The following EDARADD variants were observed in gnomAD, a reference collection of about 807,000 sequenced individuals.
EDARADD encodes the protein ectodysplasin-A receptor-associated adapter protein.
A neutral mutation model predicts 25.6 loss-of-function variants in EDARADD; 20 were observed. The observed-to-expected ratio is 0.78, with a 90% CI of 0.55 to 1.14. The LOEUF is 1.14. Ranked by LOEUF, EDARADD falls within the 50% of genes most tolerant of loss-of-function variation. The probability of loss-of-function intolerance (pLI) is 0.00; values close to 1 mark genes in which losing one functional copy is unlikely to be tolerated. For synonymous variants in EDARADD, 86 were observed against 94.4 expected (o/e 0.91, Z 0.52); for missense variants, 225 against 270.1 (o/e 0.83, Z 1.17).
intron 5 of EDARADD, among the ~76,000 whole-genome samples, chr1:236,478,091 A>T (rs1259181991): frequency 6.6e-6 from 1 of 151,958 alleles, no homozygotes; most frequent in Non-Finnish European, 1.5e-5. Context: ...TAGCAGGATG[A>T]GACTGTCTCA....
Position 236,379,771 on chromosome 1 carries a change from C to T in EDARADD, c.-6+28932C>T, listed in dbSNP as rs1214085726. 2.6e-5 allele frequency among the ~76,000 whole-genome samples: 4 copies of T among 152,064 alleles called. No individual in the cohort carries two copies. In the East Asian group the frequency reaches 5.8e-4, roughly 22 times the overall value. Reference sequence around the variant, plus strand: ...CTCCAGCCTGGGCGACAGAGTGAGACTCCATCTCAAAAAAACAATAAGTAA... The same window carrying T: ...CTCCAGCCTGGGCGACAGAGTGAGATTCCATCTCAAAAAAACAATAAGTAA... On this transcript the variant is annotated intron_variant, in intron 3 of 7. Coordinates refer to the EDARADD transcript ENST00000439430.
chr1:236,383,854 A>G (rs949652907), intron 3 of EDARADD, among the ~76,000 whole-genome samples: 1 of 152,022 alleles, frequency 6.6e-6, no homozygotes, highest in African/African-American at 2.4e-5. Flanking sequence ...AAGTTTAAGA[A>G]CTAGCCAGGC....
chr1:236,371,067 C>G (rs72753309), intron 3 of EDARADD, among the ~76,000 whole-genome samples: 4 of 152,304 alleles, frequency 2.6e-5, no homozygotes, highest in Non-Finnish European at 4.4e-5. Flanking sequence ...CCTCTTTCTT[C>G]AGCCTCTCAG....
intron 4 of EDARADD, among the ~76,000 whole-genome samples, chr1:236,455,849 G>A (rs986459563): frequency 1.3e-5 from 2 of 152,334 alleles, no homozygotes; most frequent in South Asian, 2.1e-4. Context: ...GAGAGCAGTT[G>A]CGCGATCTTT....
intron 3 of EDARADD, among the ~76,000 whole-genome samples, chr1:236,367,621 T>C (rs1275031361): frequency 6.6e-6 from 1 of 152,094 alleles, no homozygotes; most frequent in Non-Finnish European, 1.5e-5. Flanking sequence ...AGCCTTGGCC[T>C]CCCAAAGTTC....
intron 2 of EDARADD, among the ~76,000 whole-genome samples, chr1:236,350,390 G>A (rs925632759): frequency 1.3e-5 from 2 of 152,132 alleles, no homozygotes; most frequent in Non-Finnish European, 2.9e-5. Context: ...CAAAAAATCA[G>A]GTCTTAGTCC....
upstream of EDARADD, among the ~76,000 whole-genome samples, chr1:236,389,753 A>C (rs6676536): frequency 0.77 from 116,794 of 152,118 alleles, 46,292 homozygotes; most frequent in East Asian, 0.92. Flanking sequence ...ATGTAATCCC[A>C]GTACTTTAGA....
Position 236,388,318 on chromosome 1 carries a change from A to T in EDARADD, c.-5-20898A>T, listed in dbSNP as rs182927832. On this transcript the variant is annotated intron_variant, in intron 3 of 7. Coordinates refer to the EDARADD transcript ENST00000439430. Reference sequence around the variant, plus strand: ...GTGTTTTAACTACTGTTGTTTTATCATATCTTGCTATATTGTAAGACAAAT... The same window carrying T: ...GTGTTTTAACTACTGTTGTTTTATCTTATCTTGCTATATTGTAAGACAAAT... Among the ~76,000 whole-genome samples the T allele has an allele frequency of 3.2e-3, 487 of 152,186 alleles. 2 individuals carry two copies. The highest frequency in any genetic ancestry group is 0.011 in the African/African-American group (457 of 41,502).
rs143891636 is a variant in EDARADD at position 236,482,458 on chromosome 1, T to A, written c.457T>A (p.Leu153Met). ...ASKWGMSYDE[L>M]CFLEQRPQSP... ...CAAATGGGGGATGTCCTATGACGAA[T>A]TGTGCTTCCTGGAGCAGAGGCCACA... Residue 153 changes from leucine to methionine, a missense_variant, in exon 6 of 6, where the codon TTG becomes ATG. By Grantham distance (15) the Leu-to-Met change is conservative. Transcript: ENST00000334232. 6.2e-7 allele frequency: 1 copy of A among 1,614,194 alleles called. No individual in the cohort carries two copies. The highest frequency in any genetic ancestry group is 2.2e-5 in the East Asian group (1 of 44,880).
intron 5 of EDARADD, among the ~76,000 whole-genome samples, chr1:236,476,917 A>G (rs1659523819): frequency 6.6e-6 from 1 of 150,922 alleles, no homozygotes; most frequent in African/African-American, 2.4e-5. Flanking sequence ...GCTTGAGCCC[A>G]TGAAGTGGAG....
rs1657580409 is a variant in EDARADD, at chr1:236,414,372, A to G, written c.160+73A>G. 3.3e-6 allele frequency: 4 copies of G among 1,210,996 alleles called. No individual in the cohort carries two copies. The Admixed American group carries it at 7.2e-5, about 22-fold the overall frequency. 75.0% of individuals were successfully genotyped at this position (1,210,996 alleles called of 1,614,324 possible). A position where few individuals can be genotyped will look rare whatever the true frequency, so the allele number is the denominator to read the frequency against. On this transcript the variant is annotated intron_variant, in intron 3 of 5. Transcript: ENST00000334232. ...TGTGAACAAAGCACTAGTCGACCTA[A>G]TTTTTCATTATTTAAAATTGTAAAG...
chr1:236,423,234 A>T (rs1253676072), intron 3 of EDARADD, among the ~76,000 whole-genome samples: 2 of 152,168 alleles, frequency 1.3e-5, no homozygotes, highest in Non-Finnish European at 2.9e-5. Flanking sequence ...ATATGTTGCC[A>T]CCAGAACCCA....
At chr1:236,460,833 A>G (rs986670826) in intron 4 of EDARADD, among the ~76,000 whole-genome samples, 9 of 145,606 alleles carry the variant, frequency 6.2e-5, no homozygotes, top group African/African-American at 2.0e-4. Flanking sequence ...TTTTTTTTGT[A>G]TTTTTTTGAG....
chr1:236,425,902 T>G (rs1230661017), intron 3 of EDARADD, among the ~76,000 whole-genome samples: 1 of 152,212 alleles, frequency 6.6e-6, no homozygotes, highest in Non-Finnish European at 1.5e-5. Context: ...TCTGACCAAA[T>G]GTCCTTGATT....
chr1:236,394,394 C>T lies in EDARADD; in HGVS notation c.-51C>T. ...GCGAGCATCTTCTCGCAATCTGTTGCTTCTTCCATGGCAAACTCCAGAGAA... is the reference window on the plus strand; with the variant it reads ...GCGAGCATCTTCTCGCAATCTGTTGTTTCTTCCATGGCAAACTCCAGAGAA... On this transcript the variant is annotated 5_prime_UTR_variant, in exon 1 of 6. Coordinates refer to ENST00000334232, the MANE Select transcript of EDARADD (RefSeq NM_145861.4). The T allele has an allele frequency of 6.2e-7, 1 of 1,600,468 alleles. No individual in the cohort carries two copies. The highest frequency in any genetic ancestry group is 1.1e-5 in the South Asian group (1 of 90,800).
intron 4 of EDARADD, among the ~76,000 whole-genome samples, chr1:236,463,440 C>T (rs1659093029): frequency 6.6e-6 from 1 of 152,138 alleles, no homozygotes; most frequent in African/African-American, 2.4e-5. Flanking sequence ...ATTACAGGTG[C>T]ACACCACCAC....
chr1:236,422,670 C>T (rs1657812492), intron 3 of EDARADD, among the ~76,000 whole-genome samples: 1 of 152,162 alleles, frequency 6.6e-6, no homozygotes, highest in Non-Finnish European at 1.5e-5. Flanking sequence ...TCCCATTGCT[C>T]TTCACTCAGT....
At chr1:236,414,238 C>T in intron 2 of EDARADD, 22 bp from the exon 3 acceptor site, 1 of 1,599,298 alleles carries the variant, frequency 6.3e-7, no homozygotes, top group Non-Finnish European at 8.6e-7. Flanking sequence ...AAATAATTCT[C>T]CTCTTTTGTT....
In EDARADD at chr1:236,395,462, A is replaced by G. The variant is rs1667497877; in HGVS notation, c.61+957A>G. 13 of 1,488,442 alleles carry G rather than the reference A, an allele frequency of 8.7e-6. No homozygotes were observed. The highest frequency in any genetic ancestry group is 1.1e-5 in the Non-Finnish European group (12 of 1,121,472). 92.2% of individuals were successfully genotyped at this position (1,488,442 alleles called of 1,614,324 possible). ...GCTCGTGGAAGAAGCGAAGGAGGAG[A>G]AGAAGAAGGGAGGGGAAGGCGGAGG... On this transcript the variant is annotated intron_variant, in intron 1 of 5. Transcript: ENST00000334232. This position sits in a 1 kb window ranked among gnomAD's most constrained non-coding sequence, Gnocchi z 6.9.
Sources: allele counts gnomAD v4.1 joint callset (sites outside exome capture counted in the v4.1 genomes callset), GRCh38; gene constraint gnomAD v4.1.1; non-coding constraint Gnocchi (gnomAD v3.1); transcripts MANE v1.5; gene names NCBI Gene and HGNC (gene_info 2026-07-23, HGNC 2026-07-21).